IKZF5: variants seen among roughly 807,000 people sequenced by gnomAD.
IKZF5 encodes IKAROS family zinc finger 5, also known as zinc finger protein Pegasus.
Under a neutral mutation model 30.7 loss-of-function variants are expected in IKZF5, and 4 were observed. The observed-to-expected ratio is 0.13, with a 90% CI of 0.06 to 0.30. The LOEUF (loss-of-function observed/expected upper bound fraction) is 0.30, where lower values mean the gene tolerates loss of function less well. Ranked by LOEUF, IKZF5 falls within the 10% of genes least tolerant of loss-of-function variation. The pLI is 1.00. For missense variants in IKZF5, 348 were observed against 525.5 expected, an observed-to-expected ratio of 0.66 and a Z score of 3.30; for synonymous variants, 148 against 179.6, an observed-to-expected ratio of 0.82 and a Z score of 1.41.
chr10:122,997,771 A>G (rs1273639524), intron 3 of IKZF5, among the ~76,000 whole-genome samples: 1 of 152,280 alleles, frequency 6.6e-6, no homozygotes, highest in East Asian at 1.9e-4. Flanking sequence ...ACAAATGAGC[A>G]TATCTGTGTT....
At chr10:122,996,224 C>G (rs1166003171) in intron 3 of IKZF5, 48 bp from the exon 4 acceptor site, 2 of 1,504,856 alleles carry the variant, frequency 1.3e-6, no homozygotes, top group South Asian at 1.1e-5. Flanking sequence ...AGAATCAACT[C>G]AATTTAGCAT....
intron 3 of IKZF5, 50 bp downstream of exon 3, chr10:122,998,443 T>C (rs781621504): frequency 2.7e-6 from 4 of 1,456,218 alleles, no homozygotes; most frequent in Admixed American, 1.9e-5. Flanking sequence ...CACGCAATCA[T>C]AGTACGTGTA....
At chr10:123,004,349 G>A (rs1011446730) in intron 2 of IKZF5, among the ~76,000 whole-genome samples, 1 of 152,036 alleles carries the variant, frequency 6.6e-6, no homozygotes, top group Non-Finnish European at 1.5e-5. Flanking sequence ...GCTTCTGGAA[G>A]CAAGATAATC....
intron 3 of IKZF5, among the ~76,000 whole-genome samples, chr10:122,998,020 A>T (rs1849442640): frequency 6.6e-6 from 1 of 152,184 alleles, no homozygotes; most frequent in Non-Finnish European, 1.5e-5. Context: ...GACAAAATTT[A>T]CCTCTAGCAG....
intron 1 of IKZF5, among the ~76,000 whole-genome samples, chr10:123,007,632 C>T (rs578146553): frequency 6.6e-6 from 1 of 152,286 alleles, no homozygotes; most frequent in Admixed American, 6.5e-5. Context: ...AAGGGCACAT[C>T]TGAATCCCAT....
At position 122,998,688 on chromosome 10, in the gene IKZF5, C is replaced by G; in HGVS notation, c.-46-17G>C. 7.0e-7 allele frequency: 1 copy of G among 1,438,840 alleles called. No individual in the cohort carries two copies. Among genetic ancestry groups the G allele is most frequent in the Non-Finnish European group, 9.7e-7 (1 of 1,032,936 alleles). The allele number at this position is 1,438,840 out of a possible 1,614,324, so 89.1% of individuals were successfully genotyped here. ...AAAACAAAACTGAAACAATTTTACA[C>G]TATTTAGGGAGATCTAGTACATAGC... On this transcript the variant is annotated splice_polypyrimidine_tract_variant and intron_variant, in intron 2 of 4. Transcript: ENST00000368886.
rs1045746434 is a variant in IKZF5, at chr10:122,992,644, C to T, written c.*1136G>A. 6.6e-6 allele frequency: 1 copy of T among 152,112 alleles called. No homozygotes were observed. The highest frequency in any genetic ancestry group is 1.5e-5 in the Non-Finnish European group (1 of 68,008). 9.4% of individuals were successfully genotyped at this position (152,112 alleles called of 1,614,324 possible). A position where few individuals can be genotyped will look rare whatever the true frequency, so the allele number is the denominator to read the frequency against. On this transcript the variant is annotated 3_prime_UTR_variant, in exon 5 of 5. Coordinates refer to ENST00000368886, the MANE Select transcript of IKZF5 (RefSeq NM_001372123.1). ...ACCTTTTTATCCTTTCTTACTAAAG[C>T]GATGATTTAGTTTCTACACAGTTTC...
At chr10:123,005,454 A>C (rs1364443549) in intron 2 of IKZF5, among the ~76,000 whole-genome samples, 1 of 152,234 alleles carries the variant, frequency 6.6e-6, no homozygotes, top group Admixed American at 6.5e-5. Context: ...CTTAACACAA[A>C]ATTTCAATGT....
rs1271731687 is a variant in IKZF5, at chr10:123,006,199, G to C, written c.-47+827C>G. 3.3e-5 allele frequency among the ~76,000 whole-genome samples: 5 copies of C among 152,292 alleles called. No individual in the cohort carries two copies. The East Asian group carries it at 9.7e-4, about 29-fold the overall frequency. ...CGGTAGGGGGAAAAGAGGTATAAGAGAATTAAGCTTTGATATCCCAAAGAA... is the reference window on the plus strand; with the variant it reads ...CGGTAGGGGGAAAAGAGGTATAAGACAATTAAGCTTTGATATCCCAAAGAA... On this transcript the variant is annotated intron_variant, in intron 2 of 4. Transcript: ENST00000368886.
chr10:122,996,461 G>C (rs976288424), intron 3 of IKZF5, among the ~76,000 whole-genome samples: 1 of 151,920 alleles, frequency 6.6e-6, no homozygotes, highest in Non-Finnish European at 1.5e-5. Context: ...AGGCAGAGGT[G>C]GGGGGATAGC....
intron 2 of IKZF5, among the ~76,000 whole-genome samples, chr10:122,999,762 T>C (rs775134956): frequency 2.6e-5 from 4 of 152,238 alleles, no homozygotes; most frequent in Non-Finnish European, 4.4e-5. Context: ...AAGTCTCTTG[T>C]GTGTTCTGCA....
In IKZF5 at chr10:122,992,362, T is replaced by C. The variant is rs1290929116; in HGVS notation, c.*1418A>G. ...GGTTAATAGATGCTTACTATTCTCT[T>C]TAAGATGCCAATTAGGGGCACATTC... On this transcript the variant is annotated 3_prime_UTR_variant, in exon 5 of 5. Transcript: ENST00000368886. The C allele has an allele frequency of 6.6e-6, 1 of 152,210 alleles. No individual in the cohort carries two copies. The highest frequency in any genetic ancestry group is 1.5e-5 in the Non-Finnish European group (1 of 68,042). The allele number at this position is 152,210 out of a possible 1,614,324, so 9.4% of individuals were successfully genotyped here. A position where few individuals can be genotyped will look rare whatever the true frequency, so the allele number is the denominator to read the frequency against.
intron 3 of IKZF5, among the ~76,000 whole-genome samples, chr10:122,997,946 T>A (rs531721783): frequency 6.6e-6 from 1 of 152,350 alleles, no homozygotes; most frequent in East Asian, 1.9e-4. Flanking sequence ...GCCCACGGGC[T>A]ATAGTTTGCT....
At chr10:123,006,953 A>T (rs936737495) in intron 2 of IKZF5, 73 bp downstream of exon 2, 1 of 152,248 alleles carries the variant, frequency 6.6e-6, no homozygotes, top group Non-Finnish European at 1.5e-5. Context: ...GAAATCAGAA[A>T]TCAAAACATA....
intron 2 of IKZF5, among the ~76,000 whole-genome samples, chr10:123,000,615 C>T (rs1221890139): frequency 6.6e-6 from 1 of 152,192 alleles, no homozygotes; most frequent in African/African-American, 2.4e-5. Context: ...TGCATATATT[C>T]AGTTTTAGAT....
rs186526897 is a variant in IKZF5, at chr10:123,008,341, G to T, written c.-198+353C>A. ...GCGCCCGGCTGACTCCCAGCCCCTG[G>T]GACCCCGTGAAGACGCAAACCTCGG... is the stretch of plus-strand genomic sequence containing the variant. On this transcript the variant is annotated intron_variant, in intron 1 of 4. Transcript: ENST00000368886. Among the ~76,000 whole-genome samples the T allele has an allele frequency of 4.4e-4, 67 of 152,188 alleles. 1 individual carries two copies. In the East Asian group the frequency reaches 0.012, roughly 28 times the overall value.
chr10:122,995,050 T>A (rs916830121), intron 4 of IKZF5: 1 of 232,972 alleles, frequency 4.3e-6, no homozygotes, highest in Non-Finnish European at 8.3e-6. Flanking sequence ...TAATAATGAG[T>A]TTATCAAAAG....
Position 122,994,440 on chromosome 10 carries a change from A to G in IKZF5, c.600T>C (p.Ser200=). 1 of 1,614,100 alleles carries G rather than the reference A, an allele frequency of 6.2e-7. No individual in the cohort carries two copies. Among genetic ancestry groups the G allele is most frequent in the Non-Finnish European group, 8.5e-7 (1 of 1,180,024 alleles). ...GYSRRALINL[S]PPSMVVQKPD... ...GTTTCTGAACCACCATGGAAGGTGGACTTAAGTTGATTAGTGCTCTTCTGC... is the reference window on the plus strand; with the variant it reads ...GTTTCTGAACCACCATGGAAGGTGGGCTTAAGTTGATTAGTGCTCTTCTGC... The change falls in exon 5 of 5, where the codon AGT becomes AGC. Residue 200 remains serine (S), a synonymous_variant. Coordinates refer to ENST00000368886, the MANE Select transcript of IKZF5 (RefSeq NM_001372123.1). This position sits in a 1 kb window ranked among gnomAD's most constrained non-coding sequence, Gnocchi z 5.6.
Position 122,993,724 on chromosome 10 carries a change from CA to C in IKZF5, c.*55del, listed in dbSNP as rs955352936. The C allele has an allele frequency of 2.0e-5, 26 of 1,286,920 alleles. No homozygotes were observed. Among genetic ancestry groups the C allele is most frequent in the South Asian group, 2.9e-5 (2 of 68,304 alleles). The allele number at this position is 1,286,920 out of a possible 1,614,324, so 79.7% of individuals were successfully genotyped here. On this transcript the variant is annotated 3_prime_UTR_variant, in exon 5 of 5. Transcript: ENST00000368886. ...TATTAGGGATGACCAAAACAAAAAA[CA>C]AAAAAAACCAAACCACAAAAACAGC... is the stretch of plus-strand genomic sequence containing the variant.
Sources: allele counts gnomAD v4.1 joint callset (sites outside exome capture counted in the v4.1 genomes callset), GRCh38; gene constraint gnomAD v4.1.1; non-coding constraint Gnocchi (gnomAD v3.1); transcripts MANE v1.5; gene names NCBI Gene and HGNC (gene_info 2026-07-23, HGNC 2026-07-21).